The following ZNF676 variants were observed in gnomAD, a reference collection of about 807,000 sequenced individuals.
The protein encoded by ZNF676 is zinc finger protein 676.
A neutral mutation model predicts 6.0 loss-of-function variants in ZNF676; 4 were observed. That is an observed-to-expected ratio of 0.67 (90% confidence interval 0.33 to 1.53). The LOEUF is 1.53. Among genes scored for constraint, ZNF676 ranks in the 40% most tolerant of loss-of-function variants. The pLI is 0.06. For missense variants in ZNF676, 644 were observed against 679.7 expected, an observed-to-expected ratio of 0.95 and a Z score of 0.58; for synonymous variants, 198 against 223.1, an observed-to-expected ratio of 0.89 and a Z score of 1.00.
At chr19:22,234,962 G>GAGAAAGAAAGAAAGAAAGAA in the ZNF676 span, among the ~76,000 whole-genome samples, 16 of 101,346 alleles carry the variant, frequency 1.6e-4, no homozygotes, top group South Asian at 3.5e-4. Flanking sequence ...AAGAAAGCAA[G>GAGAAAGAAAGAAAGAAAGAA]AGAAAGAAAG....
At chr19:22,194,307 C>T (rs11666326) in intron 1 of ZNF676, among the ~76,000 whole-genome samples, 1 of 151,938 alleles carries the variant, frequency 6.6e-6, no homozygotes, top group Admixed American at 6.6e-5. Flanking sequence ...GAAATGCTTA[C>T]CATAATTCTA....
At chr19:22,190,196 A>G (rs2023884361) in intron 2 of ZNF676, among the ~76,000 whole-genome samples, 1 of 152,186 alleles carries the variant, frequency 6.6e-6, no homozygotes, top group Non-Finnish European at 1.5e-5. Context: ...CAGCCATAAA[A>G]AAAATGAATT....
At chr19:22,220,711 C>T (rs2024240271), upstream of ZNF676, among the ~76,000 whole-genome samples, 1 of 152,116 alleles carries the variant, frequency 6.6e-6, no homozygotes, top group Admixed American at 6.6e-5. Flanking sequence ...CCCACCTCGT[C>T]CTACCAAAGT....
chr19:22,259,087 A>T, the ZNF676 span, among the ~76,000 whole-genome samples: 1,122 of 152,206 alleles, frequency 7.4e-3, 1 homozygote, highest in African/African-American at 0.025. Flanking sequence ...ATGTTGCAGC[A>T]GACCTGTACC....
chr19:22,222,577 A>G, the ZNF676 span, among the ~76,000 whole-genome samples: 2 of 152,134 alleles, frequency 1.3e-5, no homozygotes, highest in Non-Finnish European at 1.5e-5. Flanking sequence ...AATGGGGACA[A>G]TATAGTTTTG....
the ZNF676 span, among the ~76,000 whole-genome samples, chr19:22,238,720 T>C: frequency 1.3e-5 from 2 of 152,118 alleles, no homozygotes; most frequent in African/African-American, 4.8e-5. Context: ...CAACAGGCCA[T>C]CTGTAGGCTG....
the ZNF676 span, among the ~76,000 whole-genome samples, chr19:22,238,331 G>A: frequency 1.3e-5 from 2 of 152,140 alleles, no homozygotes; most frequent in African/African-American, 4.8e-5. Flanking sequence ...GATTACAGGT[G>A]TGAGCCACCA....
chr19:22,232,577 G>A, the ZNF676 span, among the ~76,000 whole-genome samples: 1 of 152,100 alleles, frequency 6.6e-6, no homozygotes, highest in African/African-American at 2.4e-5. Context: ...ATTCCTAACA[G>A]AGGTATAGAG....
At position 22,179,413 on chromosome 19, in the gene ZNF676, C is replaced by CT. The variant is rs987694452; in HGVS notation, c.*536dup. 7.9e-5 allele frequency: 26 copies of CT among 327,214 alleles called. No individual in the cohort carries two copies. Among genetic ancestry groups the CT allele is most frequent in the Non-Finnish European group, 1.1e-4 (18 of 166,582 alleles). The allele number at this position is 327,214 out of a possible 1,614,324, so 20.3% of individuals were successfully genotyped here. On this transcript the variant is annotated 3_prime_UTR_variant, in exon 3 of 3. Transcript: ENST00000397121. ...TCTTATATGTAGTAAGCCTTAAGGA[C>CT]TGGTTAAAGGCTTTGCCACATTCCA... is the stretch of plus-strand genomic sequence containing the variant.
chr19:22,226,072 T>C, the ZNF676 span, among the ~76,000 whole-genome samples: 1 of 152,102 alleles, frequency 6.6e-6, no homozygotes, highest in Admixed American at 6.5e-5. Flanking sequence ...ATTTTTTATA[T>C]CTAAGTATTT....
At chr19:22,255,615 G>T in the ZNF676 span, among the ~76,000 whole-genome samples, 1 of 152,264 alleles carries the variant, frequency 6.6e-6, no homozygotes, top group East Asian at 1.9e-4. Context: ...GGAGGCTGAG[G>T]TGGGTGAATC....
At chr19:22,228,517 A>C in the ZNF676 span, among the ~76,000 whole-genome samples, 1 of 152,168 alleles carries the variant, frequency 6.6e-6, no homozygotes, top group African/African-American at 2.4e-5. Context: ...CAATCAGGCA[A>C]GAGAAAGAAA....
Position 22,180,482 on chromosome 19 carries a change from T to C in ZNF676, c.1235A>G (p.Lys412Arg). ...SNSSSKLMEH[K>R]RIHTGEKPYK... ...GGGTTTCTCTCCAGTATGAATTCTC[T>C]TATGTTCCATGAGCTTTGAGGATGA... The change falls in exon 3 of 3, where the codon AAG (lysine) becomes AGG (arginine). Residue 412 changes from lysine (K) to arginine (R), a missense_variant. Transcript: ENST00000397121. The C allele has an allele frequency of 1.9e-6, 3 of 1,607,782 alleles. No homozygotes were observed. Among genetic ancestry groups the C allele is most frequent in the Non-Finnish European group, 2.5e-6 (3 of 1,177,956 alleles).
chr19:22,201,960 G>A lies in ZNF676; in HGVS notation c.4-5234C>T, dbSNP rs187098036. The stretch of plus-strand genomic sequence containing the variant: ...AGATAAATACATAGCTGAAGAAAAG[G>A]GAGAAAAACATAACTGTGCTCATTT... On this transcript the variant is annotated intron_variant, in intron 1 of 3. Coordinates refer to the ZNF676 transcript ENST00000650058. Among the ~76,000 whole-genome samples the A allele has an allele frequency of 2.0e-5, 3 of 152,190 alleles. No individual in the cohort carries two copies. In the East Asian group the frequency reaches 5.8e-4, roughly 29 times the overall value.
At chr19:22,253,309 G>T in the ZNF676 span, among the ~76,000 whole-genome samples, 2 of 149,124 alleles carry the variant, frequency 1.3e-5, no homozygotes, top group African/African-American at 2.5e-5. Flanking sequence ...TGCTCTGTTA[G>T]GACACCCTTT....
intron 1 of ZNF676, among the ~76,000 whole-genome samples, chr19:22,212,300 AT>A (rs767131777): frequency 6.6e-6 from 1 of 152,146 alleles, no homozygotes; most frequent in Non-Finnish European, 1.5e-5. Context: ...TTTTCAACAA[AT>A]GAAATATATA....
At chr19:22,214,505 A>G (rs2024163145) in intron 1 of ZNF676, among the ~76,000 whole-genome samples, 1 of 150,566 alleles carries the variant, frequency 6.6e-6, no homozygotes. Context: ...AGGCTGAGGC[A>G]GGAGAATCGC....
chr19:22,227,123 T>A, the ZNF676 span, among the ~76,000 whole-genome samples: 1 of 152,106 alleles, frequency 6.6e-6, no homozygotes, highest in Non-Finnish European at 1.5e-5. Flanking sequence ...AAAACACTCA[T>A]CAGCAAATGC....
chr19:22,240,531 C>A, the ZNF676 span, among the ~76,000 whole-genome samples: 1 of 151,906 alleles, frequency 6.6e-6, no homozygotes, highest in Non-Finnish European at 1.5e-5. Context: ...CAGTGGCTCA[C>A]GCCTGTAATC....
Sources: allele counts gnomAD v4.1 joint callset (sites outside exome capture counted in the v4.1 genomes callset), GRCh38; gene constraint gnomAD v4.1.1; transcripts MANE v1.5; gene names NCBI Gene and HGNC (gene_info 2026-07-23, HGNC 2026-07-21).